Variants in CCDC150 observed in about 807,000 individuals in gnomAD.
CCDC150 encodes coiled-coil domain-containing protein 150.
Under a neutral mutation model 156.5 loss-of-function variants are expected in CCDC150, and 151 were observed. The ratio of observed to expected loss-of-function variants is 0.97; its 90% confidence interval spans 0.85 to 1.10. The LOEUF (loss-of-function observed/expected upper bound fraction) is 1.10, where lower values mean the gene tolerates loss of function less well. CCDC150 is among the 50% of genes least tolerant of loss of function. The pLI is 0.00. For missense variants in CCDC150, 1,312 were observed against 1,268.1 expected, an observed-to-expected ratio of 1.03 and a Z score of -0.53; for synonymous variants, 452 against 429.4, an observed-to-expected ratio of 1.05 and a Z score of -0.65.
At chr2:196,722,717 A>G (rs1697991011) in intron 21 of CCDC150, among the ~76,000 whole-genome samples, 1 of 152,148 alleles carries the variant, frequency 6.6e-6, no homozygotes, top group Non-Finnish European at 1.5e-5. Context: ...ACTGTTCCAT[A>G]TTGTGTTTAT....
chr2:196,664,284 G>A (rs949330937), intron 5 of CCDC150, among the ~76,000 whole-genome samples: 1 of 152,138 alleles, frequency 6.6e-6, no homozygotes, highest in African/African-American at 2.4e-5. Flanking sequence ...CCCCACTTTA[G>A]ATGCCAATTG....
chr2:196,716,482 AAG>A (rs1265882023), intron 17 of CCDC150, among the ~76,000 whole-genome samples: 1 of 152,204 alleles, frequency 6.6e-6, no homozygotes, highest in African/African-American at 2.4e-5. Flanking sequence ...CACTGAGTGA[AAG>A]AAGTTATTCA....
chr2:196,684,862 T>G (rs1333873533), intron 13 of CCDC150, among the ~76,000 whole-genome samples: 4 of 152,120 alleles, frequency 2.6e-5, no homozygotes, highest in Non-Finnish European at 5.9e-5. Context: ...TCATTCTAGC[T>G]CTTTTTAGAT....
chr2:196,653,707 A>C (rs1007105741), intron 2 of CCDC150, among the ~76,000 whole-genome samples: 2 of 152,016 alleles, frequency 1.3e-5, no homozygotes, highest in African/African-American at 4.8e-5. Flanking sequence ...AACTCTTCCA[A>C]TCTCTGCCCA....
Position 196,729,222 on chromosome 2 carries a change from C to G in CCDC150, c.2586C>G (p.Phe862Leu). The G allele has an allele frequency of 6.2e-7, 1 of 1,613,276 alleles. No homozygotes were observed. Reference protein sequence around the residue: ...ELKKALDEANFRSVEVSRTNR... With the variant: ...ELKKALDEANLRSVEVSRTNR... ...AGAAAGCCCTTGATGAAGCTAACTT[C>G]AGATCAGTGGAAGTGTCCCGGACCA... The change falls in exon 23 of 28, where the codon TTC (phenylalanine) becomes TTG (leucine). Residue 862 changes from phenylalanine (F) to leucine (L), a missense_variant. By Grantham distance (22) the Phe-to-Leu change is conservative. Transcript: ENST00000389175.
intron 9 of CCDC150, among the ~76,000 whole-genome samples, chr2:196,673,388 G>A (rs986601509): frequency 1.2e-4 from 18 of 152,142 alleles, no homozygotes; most frequent in Non-Finnish European, 2.2e-4. Context: ...AGGAGCAAGG[G>A]TTCTCTGTTT....
At chr2:196,695,393 T>C (rs2125653405) in intron 14 of CCDC150, among the ~76,000 whole-genome samples, 1 of 152,348 alleles carries the variant, frequency 6.6e-6, no homozygotes, top group African/African-American at 2.4e-5. Context: ...ATATCTGATG[T>C]TTTAAAATAG....
intron 26 of CCDC150, 89 bp downstream of exon 26, chr2:196,731,034 T>A: frequency 1.1e-6 from 1 of 932,538 alleles, no homozygotes; most frequent in Non-Finnish European, 1.6e-6. Flanking sequence ...AATCCTTCAT[T>A]AACGTAGTTG....
chr2:196,715,983 G>A (rs1422193179), intron 17 of CCDC150, among the ~76,000 whole-genome samples: 1 of 152,184 alleles, frequency 6.6e-6, no homozygotes, highest in East Asian at 1.9e-4. Context: ...GTTTCCAGAA[G>A]GTACTACAAA....
chr2:196,653,091 A>G (rs928509394), intron 2 of CCDC150, among the ~76,000 whole-genome samples: 3 of 152,146 alleles, frequency 2.0e-5, no homozygotes, highest in Admixed American at 6.5e-5. Flanking sequence ...TGCTTCAAAT[A>G]TTTCTGAAAT....
At chr2:196,663,777 A>T (rs1421377335) in intron 5 of CCDC150, among the ~76,000 whole-genome samples, 1 of 152,140 alleles carries the variant, frequency 6.6e-6, no homozygotes, top group Non-Finnish European at 1.5e-5. Context: ...AAAATATATT[A>T]TCCATAGAGA....
chr2:196,720,943 C>A (rs1697844416), intron 20 of CCDC150, among the ~76,000 whole-genome samples: 1 of 151,974 alleles, frequency 6.6e-6, no homozygotes, highest in African/African-American at 2.4e-5. Context: ...CAAAAAATGT[C>A]AGAAGTTAAT....
rs568815221 is a variant in CCDC150 at position 196,665,592 on chromosome 2, A to G, written c.671A>G (p.Lys224Arg). The G allele has an allele frequency of 1.2e-6, 2 of 1,603,578 alleles. No homozygotes were observed. The highest frequency in any genetic ancestry group is 1.7e-5 in the Admixed American group (1 of 58,800). ...QELRRQLAQEKYLRESLEKSA... is the reference protein window; with the variant it reads ...QELRRQLAQERYLRESLEKSA... ...CTAAGGAGACAACTGGCTCAGGAGA[A>G]GTACCTTAGGGAATCTTTAGAGAAA... The change falls in exon 6 of 28, where the codon AAG (lysine) becomes AGG (arginine). Residue 224 changes from lysine to arginine, a missense_variant. By Grantham distance (26) the Lys-to-Arg change is conservative. Transcript: ENST00000389175.
chr2:196,710,015 T>C lies in CCDC150; in HGVS notation c.1696-2130T>C, dbSNP rs1040506014. ...CTGTCTGTTCTCCGAGCTCAAACAC[T>C]GTGCTGCGAGAACCACTGCTCTCTT... is the stretch of plus-strand genomic sequence containing the variant. On this transcript the variant is annotated intron_variant, in intron 15 of 27. Transcript: ENST00000389175. Among the ~76,000 whole-genome samples the C allele has an allele frequency of 6.6e-5, 10 of 152,234 alleles. 1 individual carries two copies. Among genetic ancestry groups the C allele is most frequent in the Middle Eastern group, 3.2e-3 (1 of 316 alleles).
chr2:196,666,778 A>G lies in CCDC150; in HGVS notation c.822A>G (p.Glu274=), dbSNP rs757297467. Reference sequence around the variant, plus strand: ...GTGATTCTATACAGAGCGCTCAAGAACTACTGGCCCAGGAACAAAAAAAAA... The same window carrying G: ...GTGATTCTATACAGAGCGCTCAAGAGCTACTGGCCCAGGAACAAAAAAAAA... ...ALRDSIQSAQ[E]LLAQEQKKKE... The change falls in exon 7 of 28, where the codon GAA becomes GAG. Residue 274 remains glutamate, a synonymous_variant. Transcript: ENST00000389175. The G allele has an allele frequency of 3.1e-6, 5 of 1,613,432 alleles. No individual in the cohort carries two copies. The highest frequency in any genetic ancestry group is 4.2e-6 in the Non-Finnish European group (5 of 1,179,584).
intron 15 of CCDC150, among the ~76,000 whole-genome samples, chr2:196,706,047 T>G (rs928703101): frequency 1.3e-5 from 2 of 152,196 alleles, no homozygotes; most frequent in Non-Finnish European, 2.9e-5. Context: ...TCCTTTTTGG[T>G]TCCATATGAA....
chr2:196,672,333 T>A lies in CCDC150; in HGVS notation c.937-12T>A. 1.4e-6 allele frequency: 2 copies of A among 1,441,266 alleles called. No individual in the cohort carries two copies. Among genetic ancestry groups the A allele is most frequent in the Non-Finnish European group, 1.9e-6 (2 of 1,080,744 alleles). 89.3% of individuals were successfully genotyped at this position (1,441,266 alleles called of 1,614,324 possible). A position where few individuals can be genotyped will look rare whatever the true frequency, so the allele number is the denominator to read the frequency against. The stretch of plus-strand genomic sequence containing the variant: ...TTATATGTGAAAAAGAGAGTAATTT[T>A]TTTTCTTATAGAACCTGCAGATATC... On this transcript the variant is annotated splice_polypyrimidine_tract_variant and intron_variant, in intron 8 of 27. Transcript: ENST00000389175.
chr2:196,695,404 T>C (rs1695755090), intron 14 of CCDC150, among the ~76,000 whole-genome samples: 1 of 152,228 alleles, frequency 6.6e-6, no homozygotes, highest in Admixed American at 6.5e-5. Flanking sequence ...TTTAAAATAG[T>C]TCCTCTTCCA....
At chr2:196,681,059 A>G (rs1439715589) in intron 13 of CCDC150, among the ~76,000 whole-genome samples, 1 of 152,196 alleles carries the variant, frequency 6.6e-6, no homozygotes, top group Admixed American at 6.5e-5. Flanking sequence ...TAGATTCAAA[A>G]TATTTTCATC....
Sources: gnomAD v4.1 joint callset for allele counts (sites outside exome capture counted in the v4.1 genomes callset) on GRCh38, gnomAD v4.1.1 for gene constraint, MANE v1.5 for transcripts, NCBI Gene and HGNC (gene_info 2026-07-23, HGNC 2026-07-21) for gene names.